Variants in COX7B2 observed in about 807,000 individuals in gnomAD.
COX7B2 encodes cytochrome c oxidase subunit 7B2.
For missense variants in COX7B2, 109 were observed against 95.9 expected (o/e 1.14, Z -0.57); for synonymous variants, 37 against 32.1 (o/e 1.15, Z -0.51).
chr4:46,770,161 A>G (rs150594131), intron 2 of COX7B2, among the ~76,000 whole-genome samples: 193 of 152,338 alleles, frequency 1.3e-3, no homozygotes, highest in African/African-American at 4.4e-3. Context: ...GGATAAAAAA[A>G]TCAACCTGCA....
intron 2 of COX7B2, among the ~76,000 whole-genome samples, chr4:46,780,442 A>G (rs1158855093): frequency 6.6e-6 from 1 of 152,154 alleles, no homozygotes; most frequent in Non-Finnish European, 1.5e-5. Context: ...GCATGAACCC[A>G]GGAGGCAGAG....
intron 1 of COX7B2, among the ~76,000 whole-genome samples, chr4:46,868,169 G>T (rs2109816619): frequency 6.6e-6 from 1 of 152,248 alleles, no homozygotes; most frequent in African/African-American, 2.4e-5. Context: ...GTGCATAGAG[G>T]TGTTCACAGT....
At chr4:46,737,810 A>G (rs1419135625) in intron 2 of COX7B2, among the ~76,000 whole-genome samples, 3 of 152,154 alleles carry the variant, frequency 2.0e-5, no homozygotes, top group Non-Finnish European at 2.9e-5. Flanking sequence ...ACTTGTAAAC[A>G]TAACTATTCA....
chr4:46,781,738 G>A (rs1003654012), intron 2 of COX7B2, among the ~76,000 whole-genome samples: 9 of 152,224 alleles, frequency 5.9e-5, no homozygotes, highest in African/African-American at 1.2e-4. Flanking sequence ...CATGAGTTCC[G>A]GGTGGGCGCA....
chr4:46,854,919 G>A (rs1716915721), intron 1 of COX7B2, among the ~76,000 whole-genome samples: 1 of 151,998 alleles, frequency 6.6e-6, no homozygotes. Flanking sequence ...AAAGCTAAGA[G>A]TGATATCAAG....
At chr4:46,814,624 C>T (rs1719453558) in intron 2 of COX7B2, among the ~76,000 whole-genome samples, 1 of 152,120 alleles carries the variant, frequency 6.6e-6, no homozygotes, top group African/African-American at 2.4e-5. Flanking sequence ...TTATATACCT[C>T]ATACTAATGA....
At chr4:46,865,096 C>T (rs1040370838) in intron 1 of COX7B2, among the ~76,000 whole-genome samples, 1 of 152,136 alleles carries the variant, frequency 6.6e-6, no homozygotes, top group Admixed American at 6.5e-5. Context: ...TTTTTAATCT[C>T]TAGCACCTCT....
intron 2 of COX7B2, among the ~76,000 whole-genome samples, chr4:46,788,088 C>A (rs889280503): frequency 6.6e-6 from 1 of 151,676 alleles, no homozygotes. Flanking sequence ...GAGAAAATAA[C>A]AAAAGCAAAA....
chr4:46,851,653 T>C (rs1383185547), intron 1 of COX7B2, among the ~76,000 whole-genome samples: 1 of 152,122 alleles, frequency 6.6e-6, no homozygotes, highest in East Asian at 1.9e-4. Context: ...CTGGTTTTTC[T>C]ACTTAGTCTC....
chr4:46,742,135 C>T (rs1714753805), intron 2 of COX7B2, among the ~76,000 whole-genome samples: 3 of 152,004 alleles, frequency 2.0e-5, no homozygotes, highest in Middle Eastern at 3.2e-3. Flanking sequence ...ATAAGTTAGT[C>T]AAAAGAAACA....
intron 2 of COX7B2, among the ~76,000 whole-genome samples, chr4:46,765,148 A>G (rs996843147): frequency 6.6e-6 from 1 of 152,054 alleles, no homozygotes; most frequent in Admixed American, 6.5e-5. Context: ...ACAATCATCC[A>G]TGCATGAAAA....
At chr4:46,805,320 G>A (rs1197497417) in intron 2 of COX7B2, among the ~76,000 whole-genome samples, 4 of 152,228 alleles carry the variant, frequency 2.6e-5, no homozygotes, top group African/African-American at 7.2e-5. Context: ...AGCCAGCCAG[G>A]GCTGTGAGGG....
chr4:46,763,601 AT>A (rs1290608054), intron 2 of COX7B2, among the ~76,000 whole-genome samples: 2 of 152,114 alleles, frequency 1.3e-5, no homozygotes, highest in Admixed American at 1.3e-4. Flanking sequence ...ATTTATAACT[AT>A]CTCCCTACTC....
chr4:46,834,585 A>G (rs1331217465), intron 2 of COX7B2, among the ~76,000 whole-genome samples: 2 of 152,142 alleles, frequency 1.3e-5, no homozygotes, highest in Admixed American at 6.5e-5. Context: ...AAACATTTAA[A>G]TGCTTTTATC....
rs191812541 is a variant in COX7B2 at position 46,902,706 on chromosome 4, G to A, written c.-105+6454C>T. 2.0e-5 allele frequency among the ~76,000 whole-genome samples: 3 copies of A among 152,062 alleles called. No individual in the cohort carries two copies. In the East Asian group the frequency reaches 5.8e-4, roughly 29 times the overall value. ...AGCCTGGCCAGCATGGCAAAACCTC[G>A]TCTCTACTAAAAATACAAAAATTAG... On this transcript the variant is annotated intron_variant, in intron 1 of 2. Coordinates refer to ENST00000355591, the MANE Select transcript of COX7B2 (RefSeq NM_130902.3).
intron 1 of COX7B2, among the ~76,000 whole-genome samples, chr4:46,853,421 C>T (rs1716825093): frequency 2.0e-5 from 3 of 152,020 alleles, no homozygotes; most frequent in African/African-American, 7.2e-5. Context: ...CTTATTTGCT[C>T]AATTGTGGCA....
At chr4:46,763,803 A>G (rs1480667887) in intron 2 of COX7B2, among the ~76,000 whole-genome samples, 1 of 152,252 alleles carries the variant, frequency 6.6e-6, no homozygotes, top group African/African-American at 2.4e-5. Flanking sequence ...ATATATAAAT[A>G]TACATGTGCA....
intron 2 of COX7B2, among the ~76,000 whole-genome samples, chr4:46,756,442 G>A (rs545096021): frequency 1.3e-5 from 2 of 151,924 alleles, no homozygotes; most frequent in African/African-American, 4.8e-5. Flanking sequence ...AACAAAAATA[G>A]ACAAATTGAA....
At chr4:46,844,471 G>T (rs1716134153) in intron 2 of COX7B2, among the ~76,000 whole-genome samples, 1 of 151,880 alleles carries the variant, frequency 6.6e-6, no homozygotes, top group Non-Finnish European at 1.5e-5. Context: ...TTTTTAAAAC[G>T]TCTAAAAGTC....
Sources: gnomAD v4.1 joint callset for allele counts (sites outside exome capture counted in the v4.1 genomes callset) on GRCh38, gnomAD v4.1.1 for gene constraint, MANE v1.5 for transcripts, NCBI Gene and HGNC (gene_info 2026-07-23, HGNC 2026-07-21) for gene names.